ZC3H11A: variants seen among roughly 807,000 people sequenced by gnomAD.
ZC3H11A encodes zinc finger CCCH domain-containing protein 11A.
ZC3H11A carries 22 observed loss-of-function variants against 90.8 expected under a neutral mutation model. The ratio of observed to expected loss-of-function variants is 0.24; its 90% CI spans 0.17 to 0.35. ZC3H11A has a LOEUF of 0.35. Ranked by LOEUF, ZC3H11A falls within the 10% of genes least tolerant of loss-of-function variation. The probability of loss-of-function intolerance (pLI) is 1.00; values close to 1 mark genes in which losing one functional copy is unlikely to be tolerated. For synonymous variants in ZC3H11A, 294 were observed against 339.8 expected (o/e 0.87, Z 1.48); for missense variants, 701 against 964.9 (o/e 0.73, Z 3.62).
At chr1:203,812,651 G>A (rs1034789652) in intron 2 of ZC3H11A, among the ~76,000 whole-genome samples, 2 of 137,176 alleles carry the variant, frequency 1.5e-5, no homozygotes, top group African/African-American at 2.8e-5. Flanking sequence ...GCATGATCTC[G>A]GCTCACTGCA....
intron 2 of ZC3H11A, among the ~76,000 whole-genome samples, chr1:203,815,134 A>G (rs1402256957): frequency 1.3e-5 from 2 of 150,778 alleles, no homozygotes; most frequent in African/African-American, 2.4e-5. Context: ...CTGGCCATAT[A>G]TCATAATTTT....
At position 203,840,393 on chromosome 1, in the gene ZC3H11A, C is replaced by G. The variant is rs1487073844; in HGVS notation, c.1042+19C>G. Reference sequence around the variant, plus strand: ...GCAACAGGTAAGTAAATCCTAAGACCAGATTCTGATTATTTTTTTCTTTGC... The same window carrying G: ...GCAACAGGTAAGTAAATCCTAAGACGAGATTCTGATTATTTTTTTCTTTGC... On this transcript the variant is annotated intron_variant, in intron 12 of 17. Coordinates refer to ENST00000367210, the MANE Select transcript of ZC3H11A (RefSeq NM_001376342.1). 3 of 1,604,500 alleles carry G rather than the reference C, an allele frequency of 1.9e-6. No homozygotes were observed. Among genetic ancestry groups the G allele is most frequent in the African/African-American group, 2.7e-5 (2 of 74,320 alleles).
chr1:203,841,799 C>T (rs542384099), intron 12 of ZC3H11A, among the ~76,000 whole-genome samples: 73 of 149,502 alleles, frequency 4.9e-4, no homozygotes, highest in African/African-American at 1.5e-3. Flanking sequence ...ACCTCCCTCC[C>T]GGACGGGGCG....
intron 14 of ZC3H11A, 77 bp from the exon 15 acceptor site, chr1:203,849,634 A>C (rs1316101852): frequency 1.5e-5 from 20 of 1,375,128 alleles, no homozygotes; most frequent in Non-Finnish European, 2.0e-5. Context: ...CTTAACTTAG[A>C]TGTTAGCCTG....
intron 2 of ZC3H11A, among the ~76,000 whole-genome samples, chr1:203,815,848 A>G (rs1423450493): frequency 2.6e-5 from 4 of 152,210 alleles, no homozygotes; most frequent in Non-Finnish European, 5.9e-5. Flanking sequence ...AACCCTTTCC[A>G]TATTCTCGTA....
At chr1:203,840,776 G>T (rs1050872799) in intron 12 of ZC3H11A, among the ~76,000 whole-genome samples, 5 of 151,972 alleles carry the variant, frequency 3.3e-5, no homozygotes, top group African/African-American at 1.2e-4. Context: ...TAGAATTACA[G>T]GCGTACGCCA....
chr1:203,796,023 T>TCCCCACCCCCACCCCGTTCA (rs1198921193), intron 1 of ZC3H11A: 20 of 95,200 alleles, frequency 2.1e-4, no homozygotes, highest in African/African-American at 7.2e-4. Flanking sequence ...TTTCCCATCC[T>TCCCCACCCCCACCCCGTTCA]CCCCACCCCC....
At chr1:203,821,572 A>G (rs1235903400) in intron 4 of ZC3H11A, among the ~76,000 whole-genome samples, 1 of 151,762 alleles carries the variant, frequency 6.6e-6, no homozygotes, top group Non-Finnish European at 1.5e-5. Context: ...TACTTTTCCT[A>G]CTTCAGCCCT....
At chr1:203,809,922 C>T (rs1673765777) in intron 2 of ZC3H11A, among the ~76,000 whole-genome samples, 2 of 152,042 alleles carry the variant, frequency 1.3e-5, no homozygotes, top group Non-Finnish European at 2.9e-5. Context: ...CAACTGCACT[C>T]CAGGTTTGGG....
intron 1 of ZC3H11A, chr1:203,800,961 A>G (rs1038621126): frequency 1.3e-5 from 2 of 152,354 alleles, no homozygotes; most frequent in African/African-American, 2.4e-5. Context: ...GGAAATTTCT[A>G]ATTGCCTCCT....
At chr1:203,826,318 ATAT>A (rs774306042) in intron 4 of ZC3H11A, among the ~76,000 whole-genome samples, 9 of 151,606 alleles carry the variant, frequency 5.9e-5, no homozygotes, top group African/African-American at 1.2e-4. Context: ...CTTTTAAAAA[ATAT>A]TATACTTTTA....
chr1:203,805,790 T>G (rs1456914694), intron 2 of ZC3H11A: 2 of 725,524 alleles, frequency 2.8e-6, no homozygotes, highest in East Asian at 6.7e-5. Flanking sequence ...GCTTCTAGGT[T>G]GTCTTCATCT....
chr1:203,842,962 C>A (rs1158646110), intron 12 of ZC3H11A, among the ~76,000 whole-genome samples: 1 of 150,172 alleles, frequency 6.7e-6, no homozygotes, highest in African/African-American at 2.4e-5. Flanking sequence ...CAGTTTGAGG[C>A]TTTTAAAAAT....
intron 14 of ZC3H11A, 83 bp from the exon 15 acceptor site, chr1:203,849,628 A>G (rs1296620012): frequency 1.5e-6 from 2 of 1,313,508 alleles, no homozygotes; most frequent in Non-Finnish European, 2.1e-6. Flanking sequence ...ATTCTGCTTA[A>G]CTTAGATGTT....
intron 11 of ZC3H11A, among the ~76,000 whole-genome samples, chr1:203,839,286 CCTT>C (rs1200610073): frequency 1.3e-5 from 2 of 152,218 alleles, no homozygotes; most frequent in Non-Finnish European, 2.9e-5. Context: ...CTCAAGCCAT[CCTT>C]CTTCAGCCTC....
intron 4 of ZC3H11A, among the ~76,000 whole-genome samples, chr1:203,821,588 C>T (rs1226351386): frequency 2.6e-5 from 4 of 152,070 alleles, no homozygotes; most frequent in South Asian, 4.1e-4. Flanking sequence ...GCCCTGTATT[C>T]GGCCATTTAT....
chr1:203,844,062 G>T (rs922286886), intron 12 of ZC3H11A, among the ~76,000 whole-genome samples: 4 of 152,078 alleles, frequency 2.6e-5, no homozygotes, highest in South Asian at 2.1e-4. Context: ...TCTCCATGTT[G>T]GTCAGGCTGG....
intron 4 of ZC3H11A, among the ~76,000 whole-genome samples, chr1:203,826,158 A>G (rs1036117596): frequency 1.3e-5 from 2 of 152,194 alleles, no homozygotes; most frequent in Non-Finnish European, 2.9e-5. Context: ...TAGCTATTAC[A>G]TCTACCTTTC....
At chr1:203,847,040 T>G (rs749759236) in intron 12 of ZC3H11A, 144 bp from the exon 13 acceptor site, 6 of 886,138 alleles carry the variant, frequency 6.8e-6, no homozygotes, top group Non-Finnish European at 1.0e-5. Flanking sequence ...GGAAAAGAAA[T>G]AAATGTTACC....
Sources: gnomAD v4.1 joint callset for allele counts (sites outside exome capture counted in the v4.1 genomes callset) on GRCh38, gnomAD v4.1.1 for gene constraint, MANE v1.5 for transcripts, NCBI Gene and HGNC (gene_info 2026-07-23, HGNC 2026-07-21) for gene names.